Variants in TNKS1BP1 observed in about 807,000 individuals in gnomAD.
TNKS1BP1 encodes the protein 182 kDa tankyrase-1-binding protein.
Under a neutral mutation model 141.1 loss-of-function variants are expected in TNKS1BP1, and 48 were observed. The ratio of observed to expected loss-of-function variants is 0.34; its 90% CI spans 0.27 to 0.43. TNKS1BP1 has a LOEUF of 0.43. Ranked by LOEUF, TNKS1BP1 falls within the 20% of genes least tolerant of loss-of-function variation. TNKS1BP1 has a pLI of 1.00. For synonymous variants in TNKS1BP1, 875 were observed against 898.2 expected (o/e 0.97, Z 0.46); for missense variants, 2,149 against 2,226.0 (o/e 0.97, Z 0.70).
chr11:57,299,970 G>C lies in TNKS1BP1; in HGVS notation c.*124C>G, dbSNP rs2134341234. ...AATGTGCCTCCCCAGACGCTCCTCA[G>C]AGGTGGAGGGGACAGAGGCTGCAGC... On this transcript the variant is annotated 3_prime_UTR_variant, in exon 12 of 12. Transcript: ENST00000358252. The C allele has an allele frequency of 6.5e-6, 1 of 154,614 alleles. No individual in the cohort carries two copies. The allele number at this position is 154,614 out of a possible 1,614,324, so 9.6% of individuals were successfully genotyped here.
rs867533471 is a variant in TNKS1BP1 at position 57,322,075 on chromosome 11, G to C, written c.-65-125C>G. 2.8e-4 allele frequency: 222 copies of C among 789,288 alleles called. 5 individuals carry two copies. Among genetic ancestry groups the C allele is most frequent in the Middle Eastern group, 2.6e-3 (6 of 2,310 alleles). 48.9% of individuals were successfully genotyped at this position (789,288 alleles called of 1,614,324 possible). On this transcript the variant is annotated intron_variant, in intron 1 of 11. Transcript: ENST00000358252. ...ACAGGAAGAGAGAACTTGGAGTGGG[G>C]GGGGGGGGGTAGGAGGAGGTCAAGG...
intron 1 of TNKS1BP1, among the ~76,000 whole-genome samples, chr11:57,324,466 T>A (rs1408720698): frequency 5.4e-5 from 1 of 18,598 alleles, no homozygotes; most frequent in Non-Finnish European, 1.0e-4. Context: ...CGGACTGGGG[T>A]GGCTGGGGGC....
intron 1 of TNKS1BP1, among the ~76,000 whole-genome samples, chr11:57,324,464 G>A (rs1453901071): frequency 1.3e-5 from 2 of 151,690 alleles, no homozygotes; most frequent in African/African-American, 4.8e-5. Flanking sequence ...GGCGGACTGG[G>A]GTGGCTGGGG....
At chr11:57,313,964 C>T in intron 4 of TNKS1BP1, 75 bp from the exon 5 acceptor site, 1 of 1,378,512 alleles carries the variant, frequency 7.3e-7, no homozygotes, top group Non-Finnish European at 9.4e-7. Context: ...CGACCCCACA[C>T]AGACCCCAGG....
At chr11:57,306,907 G>T (rs905131601) in intron 6 of TNKS1BP1, among the ~76,000 whole-genome samples, 1 of 150,686 alleles carries the variant, frequency 6.6e-6, no homozygotes, top group African/African-American at 2.4e-5. Context: ...TGGTGGTGGG[G>T]GGGGGGGTTG....
At position 57,310,272 on chromosome 11, in the gene TNKS1BP1, A is replaced by G. The variant is rs1253394358; in HGVS notation, c.2439T>C (p.Ser813=). 11 of 1,614,024 alleles carry G rather than the reference A, an allele frequency of 6.8e-6. No individual in the cohort carries two copies. Among genetic ancestry groups the G allele is most frequent in the Non-Finnish European group, 8.5e-6 (10 of 1,180,020 alleles). Residue 813 remains serine, a synonymous_variant, in exon 6 of 12, where the codon TCT becomes TCC. Coordinates refer to ENST00000358252, the MANE Select transcript of TNKS1BP1 (RefSeq NM_033396.3). ...ASSSQDQSKV[S]APGVLTAQDR... ...CCTGGGCTGTGAGCACCCCTGGGGC[A>G]GACACTTTACTCTGGTCTTGGCTGC...
Position 57,301,795 on chromosome 11 carries a change from A to G in TNKS1BP1, c.4971+12T>C. 6.2e-7 allele frequency: 1 copy of G among 1,605,590 alleles called. No homozygotes were observed. Among genetic ancestry groups the G allele is most frequent in the Non-Finnish European group, 8.5e-7 (1 of 1,173,540 alleles). Reference sequence around the variant, plus strand: ...GATGGCTGGACATGTTTGCTTAATGATCAGATGGTACCTTCAGGGCTGAGG... The same window carrying G: ...GATGGCTGGACATGTTTGCTTAATGGTCAGATGGTACCTTCAGGGCTGAGG... On this transcript the variant is annotated intron_variant, in intron 9 of 11. Transcript: ENST00000358252.
intron 6 of TNKS1BP1, 63 bp downstream of exon 6, chr11:57,308,332 C>T (rs982141204): frequency 6.5e-7 from 1 of 1,530,836 alleles, no homozygotes; most frequent in Non-Finnish European, 8.8e-7. Flanking sequence ...CAGAAAGGTT[C>T]CGATTTCTTG....
chr11:57,309,507 A>G lies in TNKS1BP1; in HGVS notation c.3204T>C (p.Ala1068=), dbSNP rs373554420. 197 of 1,613,818 alleles carry G rather than the reference A, an allele frequency of 1.2e-4. No homozygotes were observed. Among genetic ancestry groups the G allele is most frequent in the Non-Finnish European group, 1.6e-4 (185 of 1,180,024 alleles). The change falls in exon 6 of 12, where the codon GCT becomes GCC. Residue 1068 remains alanine (A), a synonymous_variant. Transcript: ENST00000358252. This position sits in a 1 kb window ranked among gnomAD's most constrained non-coding sequence, Gnocchi z 4.3. ...GGHQERQQAG[A]QGPGSADLED... The stretch of plus-strand genomic sequence containing the variant: ...CCAGGTCAGCACTGCCAGGGCCCTG[A>G]GCCCCTGCCTGCTGTCTCTCCTGAT...
Position 57,324,840 on chromosome 11 carries a change from GCGCT to G in TNKS1BP1, c.-70_-67del, listed in dbSNP as rs1855943883. ...CGCCCGACCGCCCCCGCGCACTCAC[GCGCT>G]CGCCCGGGGTCCGGCTCCGCTCGGC... On this transcript the variant is annotated splice_region_variant and 5_prime_UTR_variant, in exon 1 of 12. Transcript: ENST00000358252. The G allele has an allele frequency of 2.0e-6, 2 of 982,472 alleles. No homozygotes were observed. Among genetic ancestry groups the G allele is most frequent in the African/African-American group, 3.6e-5 (2 of 55,520 alleles). 60.9% of individuals were successfully genotyped at this position (982,472 alleles called of 1,614,324 possible). A position where few individuals can be genotyped will look rare whatever the true frequency, so the allele number is the denominator to read the frequency against.
Position 57,312,954 on chromosome 11 carries a change from T to G in TNKS1BP1, c.1734A>C (p.Thr578=). The change falls in exon 5 of 12, where the codon ACA becomes ACC. Residue 578 remains threonine (T), a synonymous_variant. Transcript: ENST00000358252. Reference sequence around the variant, plus strand: ...CTGCCTGCTGCAAAGGTAATCCAGGTGTGCCCTCAGTTGTAGGCAGGGGCT... The same window carrying G: ...CTGCCTGCTGCAAAGGTAATCCAGGGGTGCCCTCAGTTGTAGGCAGGGGCT... ...PLEPLPTTEG[T]PGLPLQQAEE... The G allele has an allele frequency of 1.2e-6, 2 of 1,613,748 alleles. No individual in the cohort carries two copies.
rs746660639 is a variant in TNKS1BP1 at position 57,313,652 on chromosome 11, C to T, written c.1036G>A (p.Glu346Lys). The change falls in exon 5 of 12, where the codon GAG (glutamate) becomes AAG (lysine). Residue 346 changes from glutamate (E) to lysine (K), a missense_variant. By Grantham distance (56) the Glu-to-Lys change is moderately conservative (BLOSUM62 1). Transcript: ENST00000358252. ...PSAPSAALPD[E>K]GSRHTPSPGL... ...GGGCTGGGGGTGTGGCGGGAGCCCTCGTCAGGCAGGGCTGCACTTGGAGCT... is the reference window on the plus strand; with the variant it reads ...GGGCTGGGGGTGTGGCGGGAGCCCTTGTCAGGCAGGGCTGCACTTGGAGCT... 10 of 1,558,578 alleles carry T rather than the reference C, an allele frequency of 6.4e-6. No individual in the cohort carries two copies. Among genetic ancestry groups the T allele is most frequent in the Admixed American group, 1.9e-5 (1 of 51,760 alleles).
chr11:57,322,072 G>T (rs1324649141), intron 1 of TNKS1BP1, 122 bp from the exon 2 acceptor site: 8 of 2,646 alleles, frequency 3.0e-3, no homozygotes, highest in South Asian at 0.031. Flanking sequence ...AACTTGGAGT[G>T]GGGGGGGGGG....
intron 4 of TNKS1BP1, among the ~76,000 whole-genome samples, chr11:57,315,498 T>C (rs1424834563): frequency 6.6e-6 from 1 of 152,116 alleles, no homozygotes; most frequent in African/African-American, 2.4e-5. Flanking sequence ...TAGCTGCATG[T>C]GGCTGGATAA....
At chr11:57,305,882 G>A (rs541729082) in intron 6 of TNKS1BP1, among the ~76,000 whole-genome samples, 21 of 152,188 alleles carry the variant, frequency 1.4e-4, no homozygotes, top group Non-Finnish European at 2.6e-4. Flanking sequence ...GAATCAGAAC[G>A]CAAGCCTGGC....
chr11:57,320,233 C>G lies in TNKS1BP1; in HGVS notation c.574G>C (p.Asp192His), dbSNP rs1177687155. 6.2e-7 allele frequency: 1 copy of G among 1,614,180 alleles called. No homozygotes were observed. The highest frequency in any genetic ancestry group is 8.5e-7 in the Non-Finnish European group (1 of 1,180,030). Residue 192 changes from aspartate to histidine, a missense_variant, in exon 3 of 12, where the codon GAT becomes CAT. By Grantham distance (81) the Asp-to-His change is moderately conservative. Transcript: ENST00000358252. ...LWGSRLTFNH[D>H]GSSRYGPRTY... ...CTGGGGCCATATCGCGAGCTGCCAT[C>G]GTGGTTAAAGGTGAGGCGGGAACCC...
At chr11:57,323,474 A>G (rs1253422556) in intron 1 of TNKS1BP1, among the ~76,000 whole-genome samples, 1 of 152,172 alleles carries the variant, frequency 6.6e-6, no homozygotes, top group Non-Finnish European at 1.5e-5. Flanking sequence ...GCATTGCCTC[A>G]CTTAAAGTCA....
In TNKS1BP1 at chr11:57,321,811, C is replaced by G; in HGVS notation, c.75G>C (p.Val25=). 6.2e-7 allele frequency: 1 copy of G among 1,613,974 alleles called. No individual in the cohort carries two copies. Among genetic ancestry groups the G allele is most frequent in the South Asian group, 1.1e-5 (1 of 91,060 alleles). ...PLPREMEEEL[V]PTGSEPGDTR... The stretch of plus-strand genomic sequence containing the variant: ...TGGTACCTGGCTCAGAGCCAGTAGG[C>G]ACCAGCTCCTCCTCCATCTCCCGGG... Residue 25 remains valine (V), a synonymous_variant, in exon 2 of 12, where the codon GTG becomes GTC. Coordinates refer to ENST00000358252, the MANE Select transcript of TNKS1BP1 (RefSeq NM_033396.3).
Position 57,320,601 on chromosome 11 carries a change from C to G in TNKS1BP1, c.206G>C (p.Arg69Pro), listed in dbSNP as rs772040195. 1 of 1,613,886 alleles carries G rather than the reference C, an allele frequency of 6.2e-7. No homozygotes were observed. Among genetic ancestry groups the G allele is most frequent in the Non-Finnish European group, 8.5e-7 (1 of 1,179,984 alleles). ...LLVPVGPRPP[R>P]GPLAELPSAR... ...AGAAGGCAACTCAGCCAGGGGACCC[C>G]GGGGAGGCCGAGGCCCAACAGGCAC... is the stretch of plus-strand genomic sequence containing the variant. The change falls in exon 3 of 12, where the codon CGG (arginine) becomes CCG (proline). Residue 69 changes from arginine (R) to proline (P), a missense_variant. Coordinates refer to ENST00000358252, the MANE Select transcript of TNKS1BP1 (RefSeq NM_033396.3).
Sources: gnomAD v4.1 joint callset for allele counts (sites outside exome capture counted in the v4.1 genomes callset) on GRCh38, gnomAD v4.1.1 for gene constraint, Gnocchi (gnomAD v3.1) non-coding constraint, MANE v1.5 for transcripts, NCBI Gene and HGNC (gene_info 2026-07-23, HGNC 2026-07-21) for gene names.